Variants in KIDINS220 observed in about 807,000 individuals in gnomAD.
KIDINS220 encodes the protein kinase D interacting substrate 220.
Under a neutral mutation model 157.6 loss-of-function variants are expected in KIDINS220, and 63 were observed. The ratio of observed to expected loss-of-function variants is 0.40; its 90% CI spans 0.33 to 0.49. The LOEUF (loss-of-function observed/expected upper bound fraction) is 0.49, where lower values mean the gene tolerates loss of function less well. Ranked by LOEUF, KIDINS220 falls within the 20% of genes least tolerant of loss-of-function variation. KIDINS220 has a pLI of 0.66. For synonymous variants in KIDINS220, 732 were observed against 783.6 expected (o/e 0.93, Z 1.10); for missense variants, 1,772 against 2,171.2 (o/e 0.82, Z 3.65).
chr2:8,735,252 C>T (rs945553499), intron 27 of KIDINS220, among the ~76,000 whole-genome samples: 1 of 152,200 alleles, frequency 6.6e-6, no homozygotes. Flanking sequence ...ATTCACAAGG[C>T]CCGGCGCGGT....
chr2:8,804,498 C>T (rs189996667), intron 7 of KIDINS220, among the ~76,000 whole-genome samples: 1 of 152,300 alleles, frequency 6.6e-6, no homozygotes, highest in Admixed American at 6.5e-5. Flanking sequence ...TTAAAAATTG[C>T]TAATCAGTAA....
intron 22 of KIDINS220, among the ~76,000 whole-genome samples, chr2:8,752,899 T>C (rs1200594793): frequency 7.2e-5 from 11 of 152,190 alleles, no homozygotes; most frequent in Non-Finnish European, 1.2e-4. Context: ...GAATGTTTTG[T>C]ATAACTGAGT....
chr2:8,742,684 T>C (rs774080891), intron 26 of KIDINS220, among the ~76,000 whole-genome samples: 4 of 152,186 alleles, frequency 2.6e-5, no homozygotes, highest in Non-Finnish European at 5.9e-5. Flanking sequence ...CAAGAAAGAA[T>C]GACTTCATAA....
At chr2:8,757,788 C>A in intron 22 of KIDINS220, 4 of 1,607,964 alleles carry the variant, frequency 2.5e-6, no homozygotes, top group Non-Finnish European at 2.5e-6. Flanking sequence ...TCCACAGCAT[C>A]TGTGTTTGAA....
intron 9 of KIDINS220, among the ~76,000 whole-genome samples, chr2:8,798,909 A>G (rs899924546): frequency 2.6e-5 from 4 of 152,202 alleles, no homozygotes; most frequent in African/African-American, 9.7e-5. Flanking sequence ...CAAGGAAGTT[A>G]GGTAAAAGTC....
intron 11 of KIDINS220, among the ~76,000 whole-genome samples, 197 bp downstream of exon 11, chr2:8,796,574 C>T (rs1322317702): frequency 6.6e-6 from 1 of 152,184 alleles, no homozygotes; most frequent in Non-Finnish European, 1.5e-5. Context: ...AAGTCGGAAG[C>T]AGCTGCGTTA....
rs1285687405 is a variant in KIDINS220, at chr2:8,786,473, T to C, written c.1788-116A>G. Reference sequence around the variant, plus strand: ...TTTTCTTTTTGTCTCTTTCAAAATATTGTTTTTTAAATTCCAAGGAGGGAA... The same window carrying C: ...TTTTCTTTTTGTCTCTTTCAAAATACTGTTTTTTAAATTCCAAGGAGGGAA... On this transcript the variant is annotated intron_variant, in intron 15 of 29. Coordinates refer to ENST00000256707, the MANE Select transcript of KIDINS220 (RefSeq NM_020738.4). 20 of 882,240 alleles carry C rather than the reference T, an allele frequency of 2.3e-5. 1 individual carries two copies. The South Asian group carries it at 3.1e-4, about 14-fold the overall frequency. The allele number at this position is 882,240 out of a possible 1,614,324, so 54.7% of individuals were successfully genotyped here.
intron 6 of KIDINS220, among the ~76,000 whole-genome samples, chr2:8,810,183 C>T (rs1373257658): frequency 3.9e-5 from 6 of 152,164 alleles, no homozygotes; most frequent in South Asian, 4.1e-4. Context: ...CTGACTGCTG[C>T]GCCATCAGTG....
At chr2:8,802,889 C>T in intron 8 of KIDINS220, 41 bp downstream of exon 8, 1 of 1,536,084 alleles carries the variant, frequency 6.5e-7, no homozygotes. Context: ...ACCTTTCATC[C>T]ACTTCACCAC....
intron 11 of KIDINS220, among the ~76,000 whole-genome samples, chr2:8,794,990 A>T (rs902022875): frequency 6.6e-6 from 1 of 152,244 alleles, no homozygotes; most frequent in Non-Finnish European, 1.5e-5. Context: ...GTAAGACAAA[A>T]TAGTTGCTGA....
At chr2:8,811,161 G>A (rs1353080938) in intron 6 of KIDINS220, among the ~76,000 whole-genome samples, 1 of 151,992 alleles carries the variant, frequency 6.6e-6, no homozygotes, top group Non-Finnish European at 1.5e-5. Flanking sequence ...TTTCAATGAC[G>A]AAAAACAAAT....
At chr2:8,790,209 C>T (rs933658735) in intron 13 of KIDINS220, 150 bp from the exon 14 acceptor site, 8 of 703,160 alleles carry the variant, frequency 1.1e-5, no homozygotes, top group Non-Finnish European at 1.8e-5. Context: ...AACCATTTTA[C>T]CCAGTGTTCT....
rs538592227 is a variant in KIDINS220, at chr2:8,798,301, CTAGA to C, written c.901-5_901-2del. 8.3e-5 allele frequency: 128 copies of C among 1,543,884 alleles called. 1 individual carries two copies. The South Asian group carries it at 9.6e-4, about 12-fold the overall frequency. ...CCCAATACAAAGCAGTTTTATTATCCTAGATAATTAAAAAAAACACAATCACTTC... is the reference window on the plus strand; with the variant it reads ...CCCAATACAAAGCAGTTTTATTATCCTAATTAAAAAAAACACAATCACTTC... On this transcript the variant is annotated splice_acceptor_variant and splice_polypyrimidine_tract_variant and intron_variant, in intron 9 of 29. Transcript: ENST00000256707. LOFTEE classifies it high-confidence loss of function.
chr2:8,729,596 A>G lies in KIDINS220; in HGVS notation c.*1124T>C. On this transcript the variant is annotated 3_prime_UTR_variant, in exon 30 of 30. Coordinates refer to ENST00000256707, the MANE Select transcript of KIDINS220 (RefSeq NM_020738.4). ...ACAGCACTTATATAGATATATATAT[A>G]TATTTTACCCTTGCTTTGTTACATG... 3 of 971,250 alleles carry G rather than the reference A, an allele frequency of 3.1e-6. No individual in the cohort carries two copies. Among genetic ancestry groups the G allele is most frequent in the Non-Finnish European group, 3.7e-6 (3 of 817,030 alleles). 60.2% of individuals were successfully genotyped at this position (971,250 alleles called of 1,614,324 possible).
chr2:8,748,765 C>G (rs910780256), intron 24 of KIDINS220, among the ~76,000 whole-genome samples: 4 of 152,084 alleles, frequency 2.6e-5, no homozygotes, highest in African/African-American at 9.7e-5. Context: ...TCTCAAATAA[C>G]TACAGCAAAA....
rs1056911725 is a variant in KIDINS220, at chr2:8,751,662, A to G, written c.3012-18T>C. ...TTGATATTCTTCAAATAAGAAATCA[A>G]TGAAAAAGGTTATTAATGTCACTAT... On this transcript the variant is annotated intron_variant, in intron 22 of 29. Coordinates refer to ENST00000256707, the MANE Select transcript of KIDINS220 (RefSeq NM_020738.4). 2 of 1,536,328 alleles carry G rather than the reference A, an allele frequency of 1.3e-6. No homozygotes were observed. Among genetic ancestry groups the G allele is most frequent in the Non-Finnish European group, 1.8e-6 (2 of 1,122,458 alleles).
At chr2:8,787,376 C>CTT (rs374784127) in intron 15 of KIDINS220, among the ~76,000 whole-genome samples, 25 of 144,766 alleles carry the variant, frequency 1.7e-4, no homozygotes, top group Middle Eastern at 3.6e-3. Flanking sequence ...TCTTTTAATG[C>CTT]TTTTTTTTTT....
chr2:8,772,599 C>T (rs561089868), intron 21 of KIDINS220, among the ~76,000 whole-genome samples: 1 of 151,268 alleles, frequency 6.6e-6, no homozygotes, highest in South Asian at 2.1e-4. Flanking sequence ...CTATAATTAG[C>T]TAAAAAGAAA....
chr2:8,739,924 G>A (rs766406140), intron 26 of KIDINS220, among the ~76,000 whole-genome samples: 3 of 152,204 alleles, frequency 2.0e-5, no homozygotes, highest in African/African-American at 4.8e-5. Context: ...ACTGTGTATT[G>A]TAAGTAGATT....
Sources: gnomAD v4.1 joint callset for allele counts (sites outside exome capture counted in the v4.1 genomes callset) on GRCh38, gnomAD v4.1.1 for gene constraint, MANE v1.5 for transcripts, NCBI Gene and HGNC (gene_info 2026-07-23, HGNC 2026-07-21) for gene names.